The following DOCK4 variants were observed in gnomAD, a reference collection of about 807,000 sequenced individuals.
The protein encoded by DOCK4 is dedicator of cytokinesis 4.
Under a neutral mutation model 268.1 loss-of-function variants are expected in DOCK4, and 97 were observed. The observed-to-expected ratio is 0.36, with a 90% CI of 0.31 to 0.43. The LOEUF is 0.43. Among genes scored for constraint, DOCK4 ranks in the 20% least tolerant of loss-of-function variants. The pLI is 1.00. For missense variants in DOCK4, 2,145 were observed against 2,455.7 expected, an observed-to-expected ratio of 0.87 and a Z score of 2.67; for synonymous variants, 954 against 887.2, an observed-to-expected ratio of 1.08 and a Z score of -1.34.
chr7:111,973,307 T>C (rs1586542138), intron 8 of DOCK4, among the ~76,000 whole-genome samples: 1 of 148,406 alleles, frequency 6.7e-6, no homozygotes, highest in African/African-American at 2.4e-5. Context: ...TACTGACTTC[T>C]TTTCCTCTGG....
chr7:111,932,433 A>T (rs1794277447), intron 12 of DOCK4, among the ~76,000 whole-genome samples: 1 of 152,158 alleles, frequency 6.6e-6, no homozygotes, highest in African/African-American at 2.4e-5. Context: ...CATGGTTACC[A>T]ACTCTTCTAT....
rs377525977 is a variant in DOCK4, at chr7:111,758,677, G to A, written c.4276C>T (p.Arg1426Cys). The A allele has an allele frequency of 1.7e-5, 27 of 1,613,790 alleles. No homozygotes were observed. The highest frequency in any genetic ancestry group is 2.2e-5 in the Non-Finnish European group (26 of 1,179,862). The change falls in exon 41 of 53, where the codon CGC becomes TGC. Residue 1426 changes from arginine (R) to cysteine (C), a missense_variant. Arg to Cys is a radical substitution (Grantham distance 180). Coordinates refer to ENST00000428084, the MANE Select transcript of DOCK4 (RefSeq NM_001363540.2). ...FYKVNHIWKF[R>C]YDRPFHKGTK... ...CCTTTGTGAAATGGTCGGTCATAGC[G>A]GAATTTCCAGATGTGATTCACTTTA... is the stretch of plus-strand genomic sequence containing the variant.
chr7:112,020,632 A>T (rs1204576683), intron 1 of DOCK4, among the ~76,000 whole-genome samples: 1 of 151,554 alleles, frequency 6.6e-6, no homozygotes, highest in East Asian at 1.9e-4. Flanking sequence ...CACAGAAGAT[A>T]GGCCAAAACT....
intron 1 of DOCK4, among the ~76,000 whole-genome samples, chr7:112,190,188 A>G (rs1243804525): frequency 6.6e-6 from 1 of 152,168 alleles, no homozygotes; most frequent in Non-Finnish European, 1.5e-5. Flanking sequence ...CATTGATTCA[A>G]CACTTACTGA....
In DOCK4 at chr7:112,003,627, C is replaced by T. The variant is rs145093543; in HGVS notation, c.121+421G>A. Among the ~76,000 whole-genome samples, 548 of 152,192 alleles carry T rather than the reference C, an allele frequency of 3.6e-3. 5 individuals carry two copies. Among genetic ancestry groups the T allele is most frequent in the African/African-American group, 0.012 (512 of 41,512 alleles). On this transcript the variant is annotated intron_variant, in intron 2 of 52. Coordinates refer to ENST00000428084, the MANE Select transcript of DOCK4 (RefSeq NM_001363540.2). ...AAGTTTGAGGGGAAGAAACTATAGG[C>T]CTGGAGCAGAGTTGGCCTGGGCAGG...
In DOCK4 at chr7:111,940,217, C is replaced by A; in HGVS notation, c.870G>T (p.Lys290Asn). 1 of 1,613,980 alleles carries A rather than the reference C, an allele frequency of 6.2e-7. No individual in the cohort carries two copies. The highest frequency in any genetic ancestry group is 1.1e-5 in the South Asian group (1 of 91,084). The change falls in exon 11 of 53, where the codon AAG (lysine) becomes AAT (asparagine). Residue 290 changes from lysine to asparagine, a missense_variant. Physicochemically the swap from Lys to Asn is moderately conservative, Grantham distance 94. Coordinates refer to ENST00000428084, the MANE Select transcript of DOCK4 (RefSeq NM_001363540.2). Reference sequence around the variant, plus strand: ...GTCGGTACTGGACACTACAGGCATTCTTTTTTTCTCCTGCTCCCATTCGAC... The same window carrying A: ...GTCGGTACTGGACACTACAGGCATTATTTTTTTCTCCTGCTCCCATTCGAC... The part of the protein sequence containing the change: ...RIGRMGAGEK[K>N]NACSVQYRRP...
At chr7:111,759,086 G>GTGTGTT (rs756292711) in intron 40 of DOCK4, among the ~76,000 whole-genome samples, 91 of 152,328 alleles carry the variant, frequency 6.0e-4, no homozygotes, top group Admixed American at 4.4e-3. Flanking sequence ...GTGTGTATGT[G>GTGTGTT]TGTGTAGGTA....
At chr7:111,836,884 T>C (rs932524208) in intron 25 of DOCK4, among the ~76,000 whole-genome samples, 2 of 151,850 alleles carry the variant, frequency 1.3e-5, no homozygotes, top group Non-Finnish European at 2.9e-5. Flanking sequence ...AAAGCATCAG[T>C]GAACTGGAGG....
intron 1 of DOCK4, among the ~76,000 whole-genome samples, chr7:112,058,393 T>A (rs1563042606): frequency 6.6e-6 from 1 of 152,210 alleles, no homozygotes; most frequent in Non-Finnish European, 1.5e-5. Flanking sequence ...ATATTCTTAA[T>A]ATGAACTATA....
intron 36 of DOCK4, among the ~76,000 whole-genome samples, chr7:111,772,500 A>G (rs1798183932): frequency 6.6e-6 from 1 of 152,224 alleles, no homozygotes; most frequent in Non-Finnish European, 1.5e-5. Flanking sequence ...ATGCACAATT[A>G]AAAAACAAAA....
At chr7:111,921,603 A>C (rs757560510) in intron 12 of DOCK4, among the ~76,000 whole-genome samples, 5 of 152,206 alleles carry the variant, frequency 3.3e-5, no homozygotes, top group Non-Finnish European at 4.4e-5. Context: ...CTAAGTGTGC[A>C]GTTTAAGAAT....
At chr7:111,864,313 A>AT (rs2134192742) in intron 22 of DOCK4, among the ~76,000 whole-genome samples, 1 of 152,196 alleles carries the variant, frequency 6.6e-6, no homozygotes, top group Admixed American at 6.5e-5. Context: ...CTCAAAGGGC[A>AT]TACTTAAAAA....
At chr7:111,998,555 T>C (rs1586606203) in intron 3 of DOCK4, 52 bp from the exon 4 acceptor site, 2 of 1,447,536 alleles carry the variant, frequency 1.4e-6, no homozygotes, top group Non-Finnish European at 1.9e-6. Flanking sequence ...GCAGGGTTGG[T>C]TTCACAAGTC....
intron 49 of DOCK4, 142 bp from the exon 50 acceptor site, chr7:111,737,131 T>TTTAA (rs1313019350): frequency 1.9e-5 from 12 of 640,908 alleles, no homozygotes; most frequent in African/African-American, 1.7e-4. Context: ...GAACAAATAA[T>TTTAA]TTAATTATAT....
intron 1 of DOCK4, among the ~76,000 whole-genome samples, chr7:112,162,533 CTCT>C (rs1367936633): frequency 2.9e-4 from 44 of 151,422 alleles, no homozygotes; most frequent in African/African-American, 1.0e-3. Context: ...CTCTCTCTCT[CTCT>C]CCCCCCTCTC....
At chr7:111,889,617 C>T (rs1037578701) in intron 16 of DOCK4, among the ~76,000 whole-genome samples, 1 of 152,002 alleles carries the variant, frequency 6.6e-6, no homozygotes, top group Non-Finnish European at 1.5e-5. Context: ...CTACTATGGA[C>T]CAAGTTAGGG....
At chr7:111,894,714 G>A (rs1326224180) in intron 16 of DOCK4, among the ~76,000 whole-genome samples, 1 of 152,220 alleles carries the variant, frequency 6.6e-6, no homozygotes, top group East Asian at 1.9e-4. Flanking sequence ...TGTGGTTGTA[G>A]CATCAAGAGG....
In DOCK4 at chr7:111,831,468, T is replaced by C. The variant is rs1802804434; in HGVS notation, c.2835+3120A>G. ...CATCTTGACTTCAGTGAATCCCCTT[T>C]CTTTCTTTTCTTTCCTTTTTCTTTT... On this transcript the variant is annotated intron_variant, in intron 26 of 52. Transcript: ENST00000428084. Among the ~76,000 whole-genome samples the C allele has an allele frequency of 2.0e-5, 3 of 149,808 alleles. No homozygotes were observed. The South Asian group carries it at 6.3e-4, about 31-fold the overall frequency.
At chr7:111,926,692 G>A (rs1310565672) in intron 12 of DOCK4, among the ~76,000 whole-genome samples, 1 of 151,196 alleles carries the variant, frequency 6.6e-6, no homozygotes, top group Non-Finnish European at 1.5e-5. Context: ...AATAAGCCAA[G>A]CGTGGTGGTG....
Sources: gnomAD v4.1 joint callset for allele counts (sites outside exome capture counted in the v4.1 genomes callset) on GRCh38, gnomAD v4.1.1 for gene constraint, MANE v1.5 for transcripts, NCBI Gene and HGNC (gene_info 2026-07-23, HGNC 2026-07-21) for gene names.